LYRM4: variants seen among roughly 807,000 people sequenced by gnomAD.
LYRM4 encodes the protein LYR motif-containing protein 4.
LYRM4 carries 9 observed loss-of-function variants against 11.7 expected under a neutral mutation model. The ratio of observed to expected loss-of-function variants is 0.77; its 90% CI spans 0.46 to 1.34. The LOEUF is 1.34. LYRM4 is among the 40% of genes most tolerant of loss of function. LYRM4 has a pLI of 0.00. For missense variants in LYRM4, 133 were observed against 112.5 expected (o/e 1.18, Z -0.82); for synonymous variants, 42 against 40.4 (o/e 1.04, Z -0.15).
At chr6:5,178,265 G>C (rs796528049) in intron 2 of LYRM4, among the ~76,000 whole-genome samples, 3 of 152,174 alleles carry the variant, frequency 2.0e-5, no homozygotes, top group African/African-American at 7.2e-5. Flanking sequence ...TATGAAGAAA[G>C]AGGCCACTAT....
chr6:5,086,784 C>G, the LYRM4 span: 1 of 568,738 alleles, frequency 1.8e-6, no homozygotes, highest in East Asian at 3.0e-5. Flanking sequence ...CCTCTGACCT[C>G]AGTCTTCTCG....
intron 2 of LYRM4, among the ~76,000 whole-genome samples, chr6:5,116,077 A>G (rs1202526417): frequency 6.6e-6 from 1 of 152,230 alleles, no homozygotes; most frequent in Non-Finnish European, 1.5e-5. Context: ...ACAACTAAAA[A>G]TATCAGTCCC....
rs1759440777 is a variant in LYRM4, at chr6:5,171,746, A to C, written c.207+44872T>G. ...ACCCTCATGAAGCAAAAGTATACAA[A>C]ATGCAGGGCTTTTACACCACTGTCA... is the stretch of plus-strand genomic sequence containing the variant. On this transcript the variant is annotated intron_variant, in intron 2 of 2. Transcript: ENST00000330636. Among the ~76,000 whole-genome samples the C allele has an allele frequency of 2.6e-5, 4 of 152,226 alleles. No individual in the cohort carries two copies. The South Asian group carries it at 8.3e-4, about 31-fold the overall frequency.
the LYRM4 span, among the ~76,000 whole-genome samples, chr6:5,051,789 G>A: frequency 7.9e-3 from 1,198 of 152,188 alleles, 18 homozygotes; most frequent in African/African-American, 0.027. Context: ...TCAAGATTGG[G>A]CATCTAACAA....
At chr6:5,065,574 C>T in the LYRM4 span, among the ~76,000 whole-genome samples, 23 of 152,184 alleles carry the variant, frequency 1.5e-4, 1 homozygote, top group Admixed American at 1.5e-3. Flanking sequence ...ATCAAATCCA[C>T]AATTAATTGA....
intron 2 of LYRM4, among the ~76,000 whole-genome samples, chr6:5,139,030 C>T (rs1172340236): frequency 6.6e-6 from 1 of 152,164 alleles, no homozygotes; most frequent in African/African-American, 2.4e-5. Flanking sequence ...TCGTTGAGTA[C>T]CTACTATGTT....
the LYRM4 span, among the ~76,000 whole-genome samples, chr6:5,048,995 G>A: frequency 6.6e-6 from 1 of 152,150 alleles, no homozygotes; most frequent in Non-Finnish European, 1.5e-5. Context: ...GGAGGAAGTT[G>A]GGATAAACCT....
chr6:5,143,993 T>G, intron 2 of LYRM4: 1 of 902,966 alleles, frequency 1.1e-6, no homozygotes, highest in Non-Finnish European at 1.6e-6. Context: ...TCTAAGCTTC[T>G]GAGGTCTAAT....
intron 2 of LYRM4, among the ~76,000 whole-genome samples, chr6:5,120,532 A>C (rs1203199434): frequency 1.3e-5 from 2 of 152,206 alleles, no homozygotes; most frequent in African/African-American, 4.8e-5. Flanking sequence ...GAAGGAACAA[A>C]GTCTCCACAG....
At chr6:5,206,382 TG>T (rs1200484405) in intron 2 of LYRM4, among the ~76,000 whole-genome samples, 1 of 152,194 alleles carries the variant, frequency 6.6e-6, no homozygotes, top group Non-Finnish European at 1.5e-5. Flanking sequence ...TGGGCCCCCA[TG>T]GCCTAGCTAT....
chr6:5,221,465 C>T (rs189980241), intron 1 of LYRM4, among the ~76,000 whole-genome samples: 4 of 152,242 alleles, frequency 2.6e-5, no homozygotes, highest in East Asian at 1.9e-4. Context: ...GAGGCCAAGG[C>T]GGGCGGATCA....
intron 1 of LYRM4, among the ~76,000 whole-genome samples, chr6:5,221,852 T>C (rs1378488033): frequency 1.5e-4 from 23 of 152,208 alleles, no homozygotes; most frequent in Non-Finnish European, 5.9e-5. Context: ...ATGCAACCAA[T>C]CACAAATCTT....
chr6:5,216,189 C>G (rs1762264800), intron 2 of LYRM4, among the ~76,000 whole-genome samples: 2 of 152,204 alleles, frequency 1.3e-5, no homozygotes, highest in African/African-American at 4.8e-5. Flanking sequence ...CAACGTAATT[C>G]AGGTTCACCA....
At position 5,188,988 on chromosome 6, in the gene LYRM4, T is replaced by C. The variant is rs543329018; in HGVS notation, c.207+27630A>G. ...GTTGCCCAGGCTGGTCTCAAACTCC[T>C]GGGCTCAAGCGATCTGCTTGTCTCA... On this transcript the variant is annotated intron_variant, in intron 2 of 2. Transcript: ENST00000330636. 5.9e-5 allele frequency among the ~76,000 whole-genome samples: 9 copies of C among 152,302 alleles called. No individual in the cohort carries two copies. The South Asian group carries it at 1.9e-3, about 32-fold the overall frequency.
the LYRM4 span, among the ~76,000 whole-genome samples, chr6:5,068,967 G>A: frequency 0.017 from 2,580 of 152,030 alleles, 33 homozygotes; most frequent in Middle Eastern, 0.031. The surrounding 1 kb of genome is among the most constrained non-coding windows in gnomAD (Gnocchi z 4.0). Flanking sequence ...CTAATAGGCG[G>A]TCTTTTCAAA....
At chr6:5,069,515 T>C in the LYRM4 span, among the ~76,000 whole-genome samples, 1 of 151,788 alleles carries the variant, frequency 6.6e-6, no homozygotes. Flanking sequence ...GAAGTCTTGC[T>C]CTGTCACTAG....
chr6:5,233,148 C>T (rs974404317), intron 1 of LYRM4, among the ~76,000 whole-genome samples: 9 of 152,196 alleles, frequency 5.9e-5, no homozygotes, highest in Non-Finnish European at 1.2e-4. Context: ...GACGCCCTGC[C>T]TCCCATTTCC....
chr6:5,240,226 A>G (rs1763798222), intron 1 of LYRM4, among the ~76,000 whole-genome samples: 1 of 152,060 alleles, frequency 6.6e-6, no homozygotes, highest in Non-Finnish European at 1.5e-5. Flanking sequence ...TCACTCTGGT[A>G]AAATCTCACC....
chr6:5,150,515 G>A (rs1032806478), intron 2 of LYRM4, among the ~76,000 whole-genome samples: 3 of 152,132 alleles, frequency 2.0e-5, no homozygotes, highest in African/African-American at 4.8e-5. Flanking sequence ...GAGGTCTGAG[G>A]TATGCAAAAT....
Sources: gnomAD v4.1 joint callset for allele counts (sites outside exome capture counted in the v4.1 genomes callset) on GRCh38, gnomAD v4.1.1 for gene constraint, Gnocchi (gnomAD v3.1) non-coding constraint, MANE v1.5 for transcripts, NCBI Gene and HGNC (gene_info 2026-07-23, HGNC 2026-07-21) for gene names.